Variants in EPHB2 observed in about 807,000 individuals in gnomAD.
EPHB2 encodes EPH receptor B2, also known as ephrin type-B receptor 2.
Under a neutral mutation model 96.4 loss-of-function variants are expected in EPHB2, and 18 were observed. The observed-to-expected ratio is 0.19, with a 90% CI of 0.13 to 0.28. The LOEUF (loss-of-function observed/expected upper bound fraction) is 0.28. Among genes scored for constraint, EPHB2 ranks in the 10% least tolerant of loss-of-function variants. The pLI, the probability that EPHB2 is intolerant of heterozygous loss-of-function variation, is 1.00. For synonymous variants in EPHB2, 506 were observed against 534.1 expected (o/e 0.95, Z 0.72); for missense variants, 989 against 1,355.4 (o/e 0.73, Z 4.25).
In EPHB2 at chr1:22,917,314, A is replaced by ACCCAGGC. The variant is rs962302634; in HGVS notation, c.*3750_*3756dup. 6.6e-6 allele frequency: 1 copy of ACCCAGGC among 152,100 alleles called. No homozygotes were observed. The highest frequency in any genetic ancestry group is 1.5e-5 in the Non-Finnish European group (1 of 68,082). 9.4% of individuals were successfully genotyped at this position (152,100 alleles called of 1,614,324 possible). On this transcript the variant is annotated 3_prime_UTR_variant, in exon 16 of 16. Transcript: ENST00000374630. ...CCTGCCTCACTGAAGCACAGGAAGG[A>ACCCAGGC]CCCAGGCCCCAGACCATCACCCACC... is the stretch of plus-strand genomic sequence containing the variant.
intron 6 of EPHB2, chr1:22,882,939 A>C: frequency 8.8e-6 from 2 of 226,254 alleles, no homozygotes; most frequent in Non-Finnish European, 8.9e-6. Context: ...ACCCACTTTC[A>C]CTCGCCTGCA....
At chr1:22,837,001 G>T (rs1268276852) in intron 3 of EPHB2, among the ~76,000 whole-genome samples, 1 of 152,172 alleles carries the variant, frequency 6.6e-6, no homozygotes, top group African/African-American at 2.4e-5. Flanking sequence ...GGGCCTTTGT[G>T]GTTCCAAGTG....
chr1:22,887,510 C>T (rs1427192349), intron 6 of EPHB2, among the ~76,000 whole-genome samples: 6 of 152,214 alleles, frequency 3.9e-5, no homozygotes, highest in African/African-American at 1.4e-4. Flanking sequence ...GCGGGCCCTC[C>T]GTTTGGCCTT....
At position 22,917,290 on chromosome 1, in the gene EPHB2, C is replaced by T. The variant is rs1640293628; in HGVS notation, c.*3720C>T. ...CTCCCGCCCTGCCCAGTTAATCCTC[C>T]TGCCTCACTGAAGCACAGGAAGGAC... On this transcript the variant is annotated 3_prime_UTR_variant, in exon 16 of 16. Transcript: ENST00000374630. 1 of 152,348 alleles carries T rather than the reference C, an allele frequency of 6.6e-6. No individual in the cohort carries two copies. Among genetic ancestry groups the T allele is most frequent in the Admixed American group, 6.5e-5 (1 of 15,282 alleles). 9.4% of individuals were successfully genotyped at this position (152,348 alleles called of 1,614,324 possible). A position where few individuals can be genotyped will look rare whatever the true frequency, so the allele number is the denominator to read the frequency against.
rs578031115 is a variant in EPHB2, at chr1:22,753,061, ATGAACCACTACACCTGGCCCAGGC to A, written c.62-28356_62-28333del. Among the ~76,000 whole-genome samples, 960 of 152,186 alleles carry A rather than the reference ATGAACCACTACACCTGGCCCAGGC, an allele frequency of 6.3e-3. 4 individuals are homozygous for A. Among genetic ancestry groups the A allele is most frequent in the Non-Finnish European group, 9.4e-3 (637 of 67,986 alleles). ...CTCCCAAAGTGCTGGGACTACAGGC[ATGAACCACTACACCTGGCCCAGGC>A]TGATATTTTGTTTCCCATCTGTTCT... On this transcript the variant is annotated intron_variant, in intron 1 of 15. Coordinates refer to ENST00000374630, the MANE Select transcript of EPHB2 (RefSeq NM_017449.5).
At chr1:22,727,070 A>G (rs1195772053) in intron 1 of EPHB2, among the ~76,000 whole-genome samples, 2 of 152,252 alleles carry the variant, frequency 1.3e-5, no homozygotes, top group South Asian at 4.1e-4. Context: ...GTGATGAGCT[A>G]TGGCTGACAT....
At chr1:22,779,126 G>A (rs1250587723) in intron 1 of EPHB2, among the ~76,000 whole-genome samples, 1 of 152,240 alleles carries the variant, frequency 6.6e-6, no homozygotes, top group Non-Finnish European at 1.5e-5. Flanking sequence ...GGCTGAGGCC[G>A]ATGAGAGAAA....
intron 3 of EPHB2, among the ~76,000 whole-genome samples, chr1:22,837,326 A>T (rs1178530497): frequency 6.6e-6 from 1 of 151,854 alleles, no homozygotes; most frequent in African/African-American, 2.4e-5. Context: ...TACTAGTATG[A>T]CTCCCTGCAC....
At chr1:22,763,372 A>G (rs1214232475) in intron 1 of EPHB2, among the ~76,000 whole-genome samples, 1 of 152,138 alleles carries the variant, frequency 6.6e-6, no homozygotes, top group Non-Finnish European at 1.5e-5. Flanking sequence ...CCCACCTGCA[A>G]TCCCATCCCT....
In EPHB2 at chr1:22,895,591, T is replaced by C. The variant is rs776443725; in HGVS notation, c.1700+11T>C. The C allele has an allele frequency of 3.1e-5, 50 of 1,613,576 alleles. No homozygotes were observed. The Admixed American group carries it at 8.2e-4, about 26-fold the overall frequency. On this transcript the variant is annotated intron_variant, in intron 8 of 15. Transcript: ENST00000374630. Reference sequence around the variant, plus strand: ...CATCGTGTGTAACAGGTGGGTGGGGTCTCCAGGCTTGGCCAGGCCTGGCTG... The same window carrying C: ...CATCGTGTGTAACAGGTGGGTGGGGCCTCCAGGCTTGGCCAGGCCTGGCTG...
At chr1:22,787,366 G>A (rs1241158799) in intron 3 of EPHB2, among the ~76,000 whole-genome samples, 3 of 152,208 alleles carry the variant, frequency 2.0e-5, no homozygotes, top group Non-Finnish European at 4.4e-5. Context: ...GTATGGCCAT[G>A]GCTAAGGGCT....
chr1:22,744,183 C>T (rs1643938102), intron 1 of EPHB2, among the ~76,000 whole-genome samples: 1 of 151,904 alleles, frequency 6.6e-6, no homozygotes, highest in Admixed American at 6.6e-5. Context: ...ACCCCCCCAC[C>T]CCCGTGGAAA....
intron 3 of EPHB2, among the ~76,000 whole-genome samples, chr1:22,815,531 G>T (rs1645062966): frequency 6.6e-6 from 1 of 152,234 alleles, no homozygotes; most frequent in Non-Finnish European, 1.5e-5. Context: ...AGGCCGTGTT[G>T]GGTGCAGCCA....
rs995473130 is a variant in EPHB2, at chr1:22,868,171, G to A, written c.1303+2959G>A. On this transcript the variant is annotated intron_variant, in intron 5 of 15. Coordinates refer to ENST00000374630, the MANE Select transcript of EPHB2 (RefSeq NM_017449.5). ...GGAGTGGTTCTGGGCTGCTGGGATG[G>A]ACCCTGCTGTCTGGAGCTGGATGTA... Among the ~76,000 whole-genome samples, 6 of 152,292 alleles carry A rather than the reference G, an allele frequency of 3.9e-5. No individual in the cohort carries two copies. The East Asian group carries it at 1.2e-3, about 29-fold the overall frequency.
intron 13 of EPHB2, among the ~76,000 whole-genome samples, chr1:22,910,011 C>T (rs1640041949): frequency 6.6e-6 from 1 of 152,044 alleles, no homozygotes; most frequent in African/African-American, 2.4e-5. Context: ...TGGGGTCAAG[C>T]AAGGAGGCAG....
chr1:22,874,556 C>T (rs1180538646), intron 5 of EPHB2, among the ~76,000 whole-genome samples: 1 of 152,192 alleles, frequency 6.6e-6, no homozygotes, highest in Admixed American at 6.5e-5. Context: ...GTCAGACAGA[C>T]CTGGGTCCCC....
At chr1:22,837,626 C>T (rs1645404083) in intron 3 of EPHB2, among the ~76,000 whole-genome samples, 1 of 152,192 alleles carries the variant, frequency 6.6e-6, no homozygotes, top group Non-Finnish European at 1.5e-5. Context: ...CAAGTTTCAG[C>T]CATTTTCCCA....
intron 3 of EPHB2, among the ~76,000 whole-genome samples, chr1:22,852,909 G>A (rs1439572799): frequency 1.1e-4 from 16 of 151,758 alleles, no homozygotes. Flanking sequence ...ATGGGAGGTG[G>A]AGAGACAGAT....
chr1:22,885,666 TG>T (rs1639200153), intron 6 of EPHB2, among the ~76,000 whole-genome samples: 1 of 152,230 alleles, frequency 6.6e-6, no homozygotes, highest in Admixed American at 6.5e-5. Context: ...ACTCTTTACT[TG>T]GCTCTCCTGC....
Sources: gnomAD v4.1 joint callset for allele counts (sites outside exome capture counted in the v4.1 genomes callset) on GRCh38, gnomAD v4.1.1 for gene constraint, MANE v1.5 for transcripts, NCBI Gene and HGNC (gene_info 2026-07-23, HGNC 2026-07-21) for gene names.